Variants in KSR2 observed in about 807,000 individuals in gnomAD.
The protein encoded by KSR2 is kinase suppressor of ras 2.
Under a neutral mutation model 107.8 loss-of-function variants are expected in KSR2, and 25 were observed. That is an observed-to-expected ratio of 0.23 (90% CI 0.17 to 0.32). The LOEUF is 0.32. KSR2 is among the 10% of genes least tolerant of loss of function. The pLI is 1.00. For missense variants in KSR2, 887 were observed against 1,268.9 expected (o/e 0.70, Z 4.57); for synonymous variants, 480 against 507.0 (o/e 0.95, Z 0.71).
intron 4 of KSR2, among the ~76,000 whole-genome samples, chr12:117,676,948 T>C (rs1449912139): frequency 6.6e-6 from 1 of 152,166 alleles, no homozygotes; most frequent in Non-Finnish European, 1.5e-5. Context: ...AGTGTACAAA[T>C]GCTATGACTT....
intron 1 of KSR2, among the ~76,000 whole-genome samples, chr12:117,934,650 C>T (rs1009681869): frequency 1.3e-5 from 2 of 152,136 alleles, no homozygotes; most frequent in African/African-American, 2.4e-5. Flanking sequence ...CACTCGCAAA[C>T]AAAGGGGCTC....
intron 5 of KSR2, among the ~76,000 whole-genome samples, chr12:117,635,908 C>T (rs990788125): frequency 2.0e-5 from 3 of 151,970 alleles, no homozygotes; most frequent in Admixed American, 6.6e-5. Context: ...TCTCCCACCT[C>T]GGCCTCCTGA....
intron 3 of KSR2, among the ~76,000 whole-genome samples, chr12:117,800,567 GATTT>G (rs1283573834): frequency 6.6e-6 from 1 of 152,118 alleles, no homozygotes; most frequent in Non-Finnish European, 1.5e-5. Context: ...GAGACTGGGT[GATTT>G]ATTTATTTTT....
At position 117,637,675 on chromosome 12, in the gene KSR2, G is replaced by GTTTTTTTTTTTTTTTT. The variant is rs56169273; in HGVS notation, c.1171+29783_1171+29798dup. ...AATGGGACCCAGCAGTCAGTTTTGG[G>GTTTTTTTTTTTTTTTT]TTTTTTTTTTTTTTTTTTTTTTTTG... On this transcript the variant is annotated intron_variant, in intron 5 of 19. Coordinates refer to ENST00000339824, the MANE Select transcript of KSR2 (RefSeq NM_173598.6). Among the ~76,000 whole-genome samples, 45 of 92,110 alleles carry GTTTTTTTTTTTTTTTT rather than the reference G, an allele frequency of 4.9e-4. 11 individuals are homozygous for GTTTTTTTTTTTTTTTT. The highest frequency in any genetic ancestry group is 9.7e-4 in the African/African-American group (23 of 23,766). The allele number at this position is 92,110 out of a possible 152,430, so 60.4% of individuals were successfully genotyped here.
chr12:117,651,728 A>G (rs1338344781), intron 5 of KSR2, among the ~76,000 whole-genome samples: 1 of 152,216 alleles, frequency 6.6e-6, no homozygotes, highest in Non-Finnish European at 1.5e-5. Context: ...ATGGTGGAGT[A>G]GATTAGTCAC....
At chr12:117,848,835 G>GTGA (rs1226463085) in intron 3 of KSR2, among the ~76,000 whole-genome samples, 200 of 40,174 alleles carry the variant, frequency 5.0e-3, no homozygotes, top group Non-Finnish European at 9.6e-3. Context: ...GATGGTGGTA[G>GTGA]TGGTGGTGAT....
At chr12:117,905,412 T>C (rs1422619538) in intron 1 of KSR2, among the ~76,000 whole-genome samples, 1 of 152,074 alleles carries the variant, frequency 6.6e-6, no homozygotes, top group African/African-American at 2.4e-5. Flanking sequence ...AAATGCAAAA[T>C]GTTTTGCCCG....
intron 6 of KSR2, among the ~76,000 whole-genome samples, chr12:117,581,136 T>A (rs540936124): frequency 6.6e-6 from 1 of 152,184 alleles, no homozygotes; most frequent in Non-Finnish European, 1.5e-5. Context: ...TTAACAACTA[T>A]CCTGTCAACA....
At chr12:117,702,636 TA>T (rs913106869) in intron 4 of KSR2, among the ~76,000 whole-genome samples, 3 of 152,176 alleles carry the variant, frequency 2.0e-5, no homozygotes, top group African/African-American at 4.8e-5. Flanking sequence ...GACATTGACT[TA>T]CACACTCCTC....
intron 4 of KSR2, among the ~76,000 whole-genome samples, chr12:117,718,915 C>G (rs35831433): frequency 0.1 from 15,794 of 152,192 alleles, 843 homozygotes; most frequent in Middle Eastern, 0.18. Context: ...GATTTAGAGT[C>G]ACTATCTCTC....
chr12:117,952,208 C>T (rs528984468), intron 1 of KSR2, among the ~76,000 whole-genome samples: 1 of 152,148 alleles, frequency 6.6e-6, no homozygotes, highest in East Asian at 1.9e-4. Context: ...TACACACCCA[C>T]ACACACAGCA....
Position 117,792,618 on chromosome 12 carries a change from C to T in KSR2, c.473-31094G>A, listed in dbSNP as rs537827207. Reference sequence around the variant, plus strand: ...CAGTCACTTAAATCAAATCAGCAGCCTCTCCCAGCCCCGCGGCCCCTGCCC... The same window carrying T: ...CAGTCACTTAAATCAAATCAGCAGCTTCTCCCAGCCCCGCGGCCCCTGCCC... On this transcript the variant is annotated intron_variant, in intron 3 of 19. Coordinates refer to ENST00000339824, the MANE Select transcript of KSR2 (RefSeq NM_173598.6). 2.6e-5 allele frequency among the ~76,000 whole-genome samples: 4 copies of T among 152,298 alleles called. No individual in the cohort carries two copies. The South Asian group carries it at 8.3e-4, about 32-fold the overall frequency.
chr12:117,625,682 T>C (rs1882463769), intron 5 of KSR2, among the ~76,000 whole-genome samples: 1 of 152,226 alleles, frequency 6.6e-6, no homozygotes, highest in African/African-American at 2.4e-5. Flanking sequence ...GTTGTGTCTC[T>C]GCCAGGCTTT....
chr12:117,563,199 C>T (rs1305116293), intron 7 of KSR2, among the ~76,000 whole-genome samples: 1 of 152,188 alleles, frequency 6.6e-6, no homozygotes, highest in East Asian at 1.9e-4. Flanking sequence ...TCCCAGGCCT[C>T]ACTCTCCAAG....
intron 1 of KSR2, among the ~76,000 whole-genome samples, chr12:117,862,729 T>A (rs113536267): frequency 2.6e-5 from 2 of 75,542 alleles, no homozygotes; most frequent in African/African-American, 1.3e-4. Context: ...ATTCCCCCCC[T>A]TTTTTTTTTT....
At chr12:117,621,127 TGTTCATG>T (rs756790783) in intron 5 of KSR2, among the ~76,000 whole-genome samples, 3 of 152,154 alleles carry the variant, frequency 2.0e-5, no homozygotes, top group Admixed American at 6.5e-5. Context: ...TCCTCCATAC[TGTTCATG>T]ATAGCAAATG....
intron 1 of KSR2, among the ~76,000 whole-genome samples, chr12:117,911,172 TCTCA>T (rs1218608290): frequency 7.3e-6 from 1 of 137,548 alleles, no homozygotes; most frequent in Non-Finnish European, 1.6e-5. Flanking sequence ...TCTCTCTCTC[TCTCA>T]CACACACACA....
chr12:117,817,836 CA>C lies in KSR2; in HGVS notation c.472+37591del, dbSNP rs199975028. On this transcript the variant is annotated intron_variant, in intron 3 of 19. Transcript: ENST00000339824. The stretch of plus-strand genomic sequence containing the variant: ...ATGTTCCAGGCTGGGCGCGGTGGCT[CA>C]CACCTGTAATCCCAGCACTTTGGGA... Among the ~76,000 whole-genome samples the C allele has an allele frequency of 7.2e-3, 1,090 of 152,302 alleles. 15 individuals are homozygous for C. The highest frequency in any genetic ancestry group is 0.021 in the African/African-American group (865 of 41,574).
Position 117,630,552 on chromosome 12 carries a change from G to T in KSR2, c.1171+36922C>A, listed in dbSNP as rs544909657. Among the ~76,000 whole-genome samples the T allele has an allele frequency of 3.3e-5, 5 of 152,260 alleles. No homozygotes were observed. In the South Asian group the frequency reaches 1.0e-3, roughly 32 times the overall value. ...GAAGGATTATAAACAGGGGCTACCT[G>T]ATCGGATTTGCCTTTTCAAAGATCT... is the stretch of plus-strand genomic sequence containing the variant. On this transcript the variant is annotated intron_variant, in intron 5 of 19. Coordinates refer to ENST00000339824, the MANE Select transcript of KSR2 (RefSeq NM_173598.6).
Sources: gnomAD v4.1 joint callset for allele counts (sites outside exome capture counted in the v4.1 genomes callset) on GRCh38, gnomAD v4.1.1 for gene constraint, MANE v1.5 for transcripts, NCBI Gene and HGNC (gene_info 2026-07-23, HGNC 2026-07-21) for gene names.